Variants in PCNX1 observed in about 807,000 individuals in gnomAD.
The protein encoded by PCNX1 is pecanex-like protein 1.
PCNX1 carries 78 observed loss-of-function variants against 242.2 expected under a neutral mutation model. The observed-to-expected ratio is 0.32, with a 90% CI of 0.27 to 0.39. PCNX1 has a LOEUF of 0.39. PCNX1 is among the 10% of genes least tolerant of loss of function. The probability of loss-of-function intolerance (pLI) is 1.00; values close to 1 mark genes in which losing one functional copy is unlikely to be tolerated. For missense variants in PCNX1, 2,581 were observed against 2,856.5 expected (o/e 0.90, Z 2.20); for synonymous variants, 1,024 against 1,032.9 (o/e 0.99, Z 0.17).
intron 10 of PCNX1, 122 bp downstream of exon 10, chr14:71,011,671 C>G: frequency 1.6e-6 from 1 of 643,522 alleles, no homozygotes; most frequent in Non-Finnish European, 2.7e-6. Flanking sequence ...TTTTTGAAAA[C>G]TATGGCAAAA....
intron 2 of PCNX1, among the ~76,000 whole-genome samples, chr14:70,960,874 GAC>G (rs1352420824): frequency 6.6e-6 from 1 of 151,450 alleles, no homozygotes; most frequent in East Asian, 1.9e-4. Flanking sequence ...ACCAATAACA[GAC>G]AAACAGAGAG....
At chr14:71,089,029 G>A (rs1408510539) in intron 29 of PCNX1, among the ~76,000 whole-genome samples, 163 bp from the exon 30 acceptor site, 2 of 152,186 alleles carry the variant, frequency 1.3e-5, no homozygotes, top group Non-Finnish European at 2.9e-5. Context: ...AGGTCGGACA[G>A]GCCCTGTCTC....
intron 23 of PCNX1, among the ~76,000 whole-genome samples, chr14:71,051,168 CAAAAAAAAAAAAAAAAA>C (rs758181078): frequency 9.6e-5 from 4 of 41,760 alleles, no homozygotes; most frequent in African/African-American, 9.6e-5. Context: ...AACTCTGTCT[CAAAAAAAAAAAAAAAAA>C]AAAAAAAAAA....
At chr14:70,971,640 G>T (rs151098056) in intron 5 of PCNX1, among the ~76,000 whole-genome samples, 2 of 152,300 alleles carry the variant, frequency 1.3e-5, no homozygotes, top group East Asian at 3.9e-4. Flanking sequence ...ATATACTGTA[G>T]TAAGTAGAGA....
chr14:70,961,506 A>T (rs1348826058), intron 2 of PCNX1, among the ~76,000 whole-genome samples: 1 of 152,212 alleles, frequency 6.6e-6, no homozygotes, highest in Non-Finnish European at 1.5e-5. Context: ...ACCTTATACA[A>T]AAATTAATCC....
chr14:70,912,097 T>C (rs1166316333), intron 1 of PCNX1, among the ~76,000 whole-genome samples: 1 of 151,886 alleles, frequency 6.6e-6, no homozygotes, highest in Non-Finnish European at 1.5e-5. Flanking sequence ...TAGCCGGGCA[T>C]GGTGGCGGGC....
chr14:71,017,219 G>A (rs757453593), intron 11 of PCNX1, among the ~76,000 whole-genome samples: 57 of 152,192 alleles, frequency 3.7e-4, no homozygotes, highest in Non-Finnish European at 6.8e-4. Flanking sequence ...TATTAAATAA[G>A]TGGAAATTGT....
intron 8 of PCNX1, among the ~76,000 whole-genome samples, chr14:70,998,282 AGGTTAC>A (rs1476936922): frequency 1.3e-5 from 2 of 152,190 alleles, no homozygotes; most frequent in African/African-American, 4.8e-5. Context: ...TGGCATTTTA[AGGTTAC>A]CAGAGAACAT....
At chr14:70,938,990 T>G (rs906693497) in intron 1 of PCNX1, among the ~76,000 whole-genome samples, 11 of 152,226 alleles carry the variant, frequency 7.2e-5, no homozygotes, top group Non-Finnish European at 1.2e-4. Context: ...CTTTATCATT[T>G]TTTATTGCGT....
At position 70,962,342 on chromosome 14, in the gene PCNX1, G is replaced by C; in HGVS notation, c.468+11G>C. 1.3e-6 allele frequency: 2 copies of C among 1,541,104 alleles called. No individual in the cohort carries two copies. The highest frequency in any genetic ancestry group is 1.8e-6 in the Non-Finnish European group (2 of 1,113,796). On this transcript the variant is annotated intron_variant, in intron 3 of 35. Coordinates refer to ENST00000304743, the MANE Select transcript of PCNX1 (RefSeq NM_014982.3). The stretch of plus-strand genomic sequence containing the variant: ...GATCCAAGCAACCAGGTAGGAACCT[G>C]CGCTGTTTTATTTTGCCTTTTTCCC...
At chr14:71,067,400 A>T (rs1236729764) in intron 26 of PCNX1, among the ~76,000 whole-genome samples, 1 of 151,956 alleles carries the variant, frequency 6.6e-6, no homozygotes, top group Admixed American at 6.6e-5. Context: ...GTTTATTTGC[A>T]TAGGGGTGTT....
chr14:71,093,181 CTTG>C (rs900590781), intron 30 of PCNX1: 4 of 152,066 alleles, frequency 2.6e-5, no homozygotes, highest in Admixed American at 6.6e-5. Context: ...TGAAGATGCC[CTTG>C]TTGTTACAGA....
chr14:71,026,183 C>G lies in PCNX1; in HGVS notation c.3250C>G (p.Leu1084Val), dbSNP rs374500734. Residue 1084 changes from leucine (L) to valine (V), a missense_variant, in exon 14 of 36, where the codon CTC (leucine) becomes GTC (valine). Leu to Val is a conservative substitution (Grantham distance 32). Coordinates refer to ENST00000304743, the MANE Select transcript of PCNX1 (RefSeq NM_014982.3). ...YFCICCGLIW[L>V]LDYGSRNLTA... The stretch of plus-strand genomic sequence containing the variant: ...CTGCATATGTTGCGGTCTTATTTGG[C>G]TCTTGGATTATGGTAGCAGAAACCT... 1.2e-6 allele frequency: 2 copies of G among 1,610,884 alleles called. No individual in the cohort carries two copies. The highest frequency in any genetic ancestry group is 1.3e-5 in the African/African-American group (1 of 74,920).
At chr14:71,065,213 G>T (rs533294376) in intron 26 of PCNX1, among the ~76,000 whole-genome samples, 126 of 152,288 alleles carry the variant, frequency 8.3e-4, no homozygotes, top group Middle Eastern at 3.4e-3. Context: ...CACAATGGTT[G>T]AACTAATTTA....
intron 7 of PCNX1, among the ~76,000 whole-genome samples, chr14:70,992,447 C>G (rs924778706): frequency 3.9e-5 from 6 of 151,970 alleles, no homozygotes; most frequent in Non-Finnish European, 5.9e-5. Context: ...GTACTTTATT[C>G]AAAACACTCT....
At chr14:71,088,813 T>TTG (rs2062058180) in intron 29 of PCNX1, among the ~76,000 whole-genome samples, 1 of 152,200 alleles carries the variant, frequency 6.6e-6, no homozygotes, top group Admixed American at 6.5e-5. Context: ...TATATTAGAT[T>TTG]CGGGGATTCT....
intron 1 of PCNX1, chr14:70,942,939 C>T (rs2057313284): frequency 6.6e-6 from 1 of 152,362 alleles, no homozygotes; most frequent in African/African-American, 2.4e-5. Context: ...AGTGAGTTCT[C>T]ACCAGATCTG....
chr14:71,022,364 A>C (rs766699028), intron 12 of PCNX1, among the ~76,000 whole-genome samples: 1 of 152,180 alleles, frequency 6.6e-6, no homozygotes, highest in African/African-American at 2.4e-5. Flanking sequence ...TTTTGCAACT[A>C]GTTGACTAGA....
chr14:70,995,278 CT>C (rs1274974254), intron 7 of PCNX1, among the ~76,000 whole-genome samples: 1 of 152,078 alleles, frequency 6.6e-6, no homozygotes, highest in African/African-American at 2.4e-5. Flanking sequence ...TGCATATAAA[CT>C]TGTTTTATTG....
Sources: allele counts gnomAD v4.1 joint callset (sites outside exome capture counted in the v4.1 genomes callset), GRCh38; gene constraint gnomAD v4.1.1; transcripts MANE v1.5; gene names NCBI Gene and HGNC (gene_info 2026-07-23, HGNC 2026-07-21).